Variants in LINGO2 observed in about 807,000 individuals in gnomAD.
The protein encoded by LINGO2 is leucine-rich repeat and immunoglobulin-like domain-containing nogo receptor-interacting protein 2.
Under a neutral mutation model 30.6 loss-of-function variants are expected in LINGO2, and 14 were observed. The observed-to-expected ratio is 0.46, with a 90% CI of 0.30 to 0.72. The LOEUF (loss-of-function observed/expected upper bound fraction) is 0.72, where lower values mean the gene tolerates loss of function less well. LINGO2 is among the 30% of genes least tolerant of loss of function. LINGO2 has a pLI of 0.07. For missense variants in LINGO2, 729 were observed against 751.7 expected, an observed-to-expected ratio of 0.97 and a Z score of 0.35; for synonymous variants, 317 against 288.5, an observed-to-expected ratio of 1.10 and a Z score of -1.00.
chr9:28,036,404 G>A (rs1358637179), intron 4 of LINGO2, among the ~76,000 whole-genome samples: 5 of 152,166 alleles, frequency 3.3e-5, no homozygotes, highest in Non-Finnish European at 5.9e-5. Flanking sequence ...AAGTTAGCTG[G>A]ATTATTGTGG....
chr9:28,185,466 T>C (rs1819508735), intron 4 of LINGO2, among the ~76,000 whole-genome samples: 1 of 152,076 alleles, frequency 6.6e-6, no homozygotes, highest in Non-Finnish European at 1.5e-5. Flanking sequence ...AAATGTGGCC[T>C]AGTTTATGCC....
chr9:27,990,188 T>C (rs192895078), intron 5 of LINGO2, among the ~76,000 whole-genome samples: 1 of 152,176 alleles, frequency 6.6e-6, no homozygotes, highest in East Asian at 1.9e-4. Flanking sequence ...GCCAATATTC[T>C]ACCATTTTTG....
chr9:28,789,570 CT>C, the LINGO2 span, among the ~76,000 whole-genome samples: 1 of 152,036 alleles, frequency 6.6e-6, no homozygotes, highest in Admixed American at 6.6e-5. Flanking sequence ...GTACCTGTTG[CT>C]AGTCAGGTTG....
the LINGO2 span, among the ~76,000 whole-genome samples, chr9:28,800,235 C>T: frequency 2.0e-5 from 3 of 152,060 alleles, no homozygotes; most frequent in African/African-American, 7.2e-5. Flanking sequence ...ACTCGGTAGT[C>T]AGCATTTCCA....
At chr9:28,062,557 C>G (rs13295039) in intron 4 of LINGO2, among the ~76,000 whole-genome samples, 3,074 of 73,412 alleles carry the variant, frequency 0.042, 53 homozygotes, top group Middle Eastern at 0.079. Flanking sequence ...ATTGTATATA[C>G]ATATATAGTA....
At chr9:28,891,136 G>C in the LINGO2 span, among the ~76,000 whole-genome samples, 1 of 151,984 alleles carries the variant, frequency 6.6e-6, no homozygotes, top group Non-Finnish European at 1.5e-5. Flanking sequence ...AATAAATGGT[G>C]CAAACCAAGA....
intron 1 of LINGO2, among the ~76,000 whole-genome samples, chr9:28,618,695 C>A (rs1307964681): frequency 1.3e-5 from 2 of 152,056 alleles, no homozygotes. Context: ...AATGTTCATC[C>A]TTTTTGTCCT....
At chr9:28,949,751 C>T in the LINGO2 span, among the ~76,000 whole-genome samples, 17 of 152,142 alleles carry the variant, frequency 1.1e-4, no homozygotes, top group Non-Finnish European at 1.8e-4. Flanking sequence ...TCCTCCCTAA[C>T]TCATTTTATG....
intron 1 of LINGO2, among the ~76,000 whole-genome samples, chr9:28,634,219 G>A (rs1827140346): frequency 6.6e-6 from 1 of 152,020 alleles, no homozygotes; most frequent in South Asian, 2.1e-4. Flanking sequence ...ATAATACGCT[G>A]GTTTTCTTAA....
At chr9:28,503,966 T>C (rs1819997880) in intron 1 of LINGO2, among the ~76,000 whole-genome samples, 1 of 151,144 alleles carries the variant, frequency 6.6e-6, no homozygotes, top group Admixed American at 6.6e-5. Context: ...GTTTTGGGGG[T>C]TCTCCTGAAA....
chr9:29,031,385 C>A, the LINGO2 span, among the ~76,000 whole-genome samples: 2 of 152,092 alleles, frequency 1.3e-5, no homozygotes, highest in Admixed American at 6.6e-5. Flanking sequence ...AGGGTTCAAG[C>A]GATTCTTCAG....
intron 4 of LINGO2, among the ~76,000 whole-genome samples, chr9:28,060,209 G>A (rs1358582882): frequency 1.3e-5 from 2 of 152,010 alleles, no homozygotes; most frequent in African/African-American, 4.8e-5. Context: ...AATTCCAATA[G>A]CATCTCCTGG....
the LINGO2 span, among the ~76,000 whole-genome samples, chr9:29,166,618 A>T: frequency 6.6e-6 from 1 of 152,134 alleles, no homozygotes; most frequent in Non-Finnish European, 1.5e-5. Context: ...AAATGTTAAT[A>T]TATTAATGGA....
At chr9:28,942,281 C>G in the LINGO2 span, among the ~76,000 whole-genome samples, 8 of 152,136 alleles carry the variant, frequency 5.3e-5, no homozygotes, top group Admixed American at 1.3e-4. Flanking sequence ...TCATCTCCAG[C>G]ACCAAGTTAT....
At chr9:29,189,034 C>A in the LINGO2 span, among the ~76,000 whole-genome samples, 1 of 106,372 alleles carries the variant, frequency 9.4e-6, no homozygotes, top group Non-Finnish European at 2.0e-5. Flanking sequence ...ACCTCCCAGA[C>A]GGGGCGGCTG....
At chr9:28,017,641 T>C (rs527289646) in intron 4 of LINGO2, among the ~76,000 whole-genome samples, 1 of 152,234 alleles carries the variant, frequency 6.6e-6, no homozygotes, top group Admixed American at 6.5e-5. Context: ...TACCTAGGAA[T>C]ACAGCTAATC....
intron 4 of LINGO2, among the ~76,000 whole-genome samples, chr9:28,022,877 G>A (rs952998826): frequency 2.0e-5 from 3 of 150,422 alleles, no homozygotes; most frequent in African/African-American, 7.4e-5. Context: ...TTTTTGTTTT[G>A]TTTTGTTTTT....
At chr9:28,583,406 C>A (rs1295027833) in intron 1 of LINGO2, among the ~76,000 whole-genome samples, 1 of 151,900 alleles carries the variant, frequency 6.6e-6, no homozygotes, top group Non-Finnish European at 1.5e-5. Context: ...AATGTCTCAT[C>A]TTTTTCATAA....
the LINGO2 span, among the ~76,000 whole-genome samples, chr9:28,687,329 G>A: frequency 6.6e-6 from 1 of 152,054 alleles, no homozygotes; most frequent in Admixed American, 6.5e-5. Flanking sequence ...AAGCCTAAGT[G>A]TAGGATTTCA....
Sources: gnomAD v4.1 joint callset for allele counts (sites outside exome capture counted in the v4.1 genomes callset) on GRCh38, gnomAD v4.1.1 for gene constraint, MANE v1.5 for transcripts, NCBI Gene and HGNC (gene_info 2026-07-23, HGNC 2026-07-21) for gene names.